HSD17B12: variants seen among roughly 807,000 people sequenced by gnomAD.
HSD17B12 encodes the protein hydroxysteroid 17-beta dehydrogenase 12.
HSD17B12 carries 32 observed loss-of-function variants against 39.3 expected under a neutral mutation model. The observed-to-expected ratio is 0.81, with a 90% confidence interval of 0.61 to 1.09. The LOEUF is 1.09. Among genes scored for constraint, HSD17B12 ranks in the 50% least tolerant of loss-of-function variants. HSD17B12 has a pLI of 0.00. For missense variants in HSD17B12, 342 were observed against 382.9 expected (o/e 0.89, Z 0.89); for synonymous variants, 150 against 146.7 (o/e 1.02, Z -0.16).
chr11:43,670,018 G>T, the HSD17B12 span, among the ~76,000 whole-genome samples: 1 of 152,214 alleles, frequency 6.6e-6, no homozygotes, highest in Admixed American at 6.5e-5. Flanking sequence ...AGGGAAGCTG[G>T]ATTAAGCTGA....
At chr11:43,733,681 T>TA in intron 1 of HSD17B12, 1 of 478,624 alleles carries the variant, frequency 2.1e-6, no homozygotes, top group Non-Finnish European at 3.9e-6. Flanking sequence ...TTAGTAACTT[T>TA]TAAAAAAAGG....
chr11:43,822,337 TA>T (rs555112596), intron 6 of HSD17B12, among the ~76,000 whole-genome samples: 2 of 152,222 alleles, frequency 1.3e-5, no homozygotes, highest in Admixed American at 6.5e-5. Context: ...TGAGATTTAA[TA>T]TTTTTTTATT....
the HSD17B12 span, among the ~76,000 whole-genome samples, chr11:43,643,603 T>TAA: frequency 6.6e-6 from 1 of 151,944 alleles, no homozygotes; most frequent in Non-Finnish European, 1.5e-5. Flanking sequence ...GGTTTTCCCC[T>TAA]AAAAAAAACT....
chr11:43,770,717 A>G (rs977360080), intron 3 of HSD17B12, among the ~76,000 whole-genome samples: 1 of 152,212 alleles, frequency 6.6e-6, no homozygotes, highest in African/African-American at 2.4e-5. Context: ...CCTGGGTAAC[A>G]GAGTGAGACC....
At chr11:43,791,773 G>A (rs1221641837) in intron 3 of HSD17B12, among the ~76,000 whole-genome samples, 2 of 152,104 alleles carry the variant, frequency 1.3e-5, no homozygotes, top group East Asian at 1.9e-4. Flanking sequence ...ACAGATTCAC[G>A]CAGCATAAGG....
At position 43,855,203 on chromosome 11, in the gene HSD17B12, C is replaced by T. The variant is rs746586780; in HGVS notation, c.894C>T (p.Asn298=). The T allele has an allele frequency of 6.2e-7, 1 of 1,611,268 alleles. No homozygotes were observed. The highest frequency in any genetic ancestry group is 2.2e-5 in the East Asian group (1 of 44,752). ...WIYLKIVMNM[N]KSTRAHYLKK... ...ATTTGAAAATAGTCATGAATATGAA[C>T]AAGTCTACACGGGCTCACTATCTGA... Residue 298 remains asparagine, a synonymous_variant, in exon 11 of 11, where the codon AAC becomes AAT. Transcript: ENST00000278353.
At chr11:43,677,768 G>T (rs562875116), upstream of HSD17B12, among the ~76,000 whole-genome samples, 3 of 152,282 alleles carry the variant, frequency 2.0e-5, no homozygotes, top group South Asian at 6.2e-4. Flanking sequence ...CAAAGGACAT[G>T]AACTCATCCT....
intron 3 of HSD17B12, among the ~76,000 whole-genome samples, chr11:43,754,332 G>A (rs1343740819): frequency 2.0e-5 from 3 of 152,136 alleles, no homozygotes; most frequent in African/African-American, 7.2e-5. Context: ...CAGCACTTTG[G>A]GAGGCTGAGG....
At position 43,742,139 on chromosome 11, in the gene HSD17B12, A is replaced by ATTTT. The variant is rs34321708; in HGVS notation, c.161-8764_161-8761dup. 5.7e-3 allele frequency among the ~76,000 whole-genome samples: 700 copies of ATTTT among 123,428 alleles called. 14 individuals carry two copies. The highest frequency in any genetic ancestry group is 0.028 in the East Asian group (116 of 4,194). 81.0% of individuals were successfully genotyped at this position (123,428 alleles called of 152,430 possible). On this transcript the variant is annotated intron_variant, in intron 1 of 10. Transcript: ENST00000278353. ...TATATATATATATATATATATATAT[A>ATTTT]TTTTTTTTTTTAAATTGAGACAGGA...
At chr11:43,708,739 A>T (rs186364690) in intron 1 of HSD17B12, among the ~76,000 whole-genome samples, 99 of 152,274 alleles carry the variant, frequency 6.5e-4, no homozygotes, top group African/African-American at 2.3e-3. Flanking sequence ...TTTCCACCTC[A>T]TCTTTTATTT....
chr11:43,734,025 A>C (rs1256652836), intron 1 of HSD17B12: 1 of 747,726 alleles, frequency 1.3e-6, no homozygotes, highest in Non-Finnish European at 2.4e-6. Context: ...TGTCAATATC[A>C]CACGGCGGAT....
Position 43,856,441 on chromosome 11 carries a change from T to C in HSD17B12, c.*1193T>C, listed in dbSNP as rs1451676063. On this transcript the variant is annotated 3_prime_UTR_variant, in exon 11 of 11. Transcript: ENST00000278353. ...AAATGGGGCCTTAGCTTCTGGCTTT[T>C]AATTTTGCCAGCTAAGGACATAAAA... is the stretch of plus-strand genomic sequence containing the variant. 1 of 152,236 alleles carries C rather than the reference T, an allele frequency of 6.6e-6. No homozygotes were observed. The highest frequency in any genetic ancestry group is 1.5e-5 in the Non-Finnish European group (1 of 68,042). The allele number at this position is 152,236 out of a possible 1,614,324, so 9.4% of individuals were successfully genotyped here. A position where few individuals can be genotyped will look rare whatever the true frequency, so the allele number is the denominator to read the frequency against.
chr11:43,730,648 G>A (rs1933678669), intron 1 of HSD17B12, among the ~76,000 whole-genome samples: 1 of 152,194 alleles, frequency 6.6e-6, no homozygotes, highest in Admixed American at 6.5e-5. Context: ...TGGTGAGGCT[G>A]TTTTGAAGTT....
At chr11:43,587,358 C>T in the HSD17B12 span, among the ~76,000 whole-genome samples, 2 of 151,838 alleles carry the variant, frequency 1.3e-5, no homozygotes, top group African/African-American at 2.4e-5. Context: ...TCAGGGAGCT[C>T]AGGACATCCC....
the HSD17B12 span, among the ~76,000 whole-genome samples, chr11:43,654,921 G>GT: frequency 2.6e-5 from 4 of 152,106 alleles, no homozygotes; most frequent in Admixed American, 2.0e-4. Flanking sequence ...TTTTAAAGTA[G>GT]TTTTTTCCAA....
chr11:43,620,020 T>C, the HSD17B12 span, among the ~76,000 whole-genome samples: 1 of 152,222 alleles, frequency 6.6e-6, no homozygotes, highest in Non-Finnish European at 1.5e-5. Flanking sequence ...TTGATCAGTA[T>C]AAAGGTAGTT....
the HSD17B12 span, among the ~76,000 whole-genome samples, chr11:43,613,043 C>T: frequency 6.6e-6 from 1 of 152,122 alleles, no homozygotes; most frequent in South Asian, 2.1e-4. Context: ...CCCCTATTAG[C>T]CCCAGTCAAG....
Position 43,855,438 on chromosome 11 carries a change from C to G in HSD17B12, c.*190C>G, listed in dbSNP as rs996573120. ...TCTGACATATATTCTGGATACTATC[C>G]GAGGTAATTTTGAAGTTTAATATAA... is the stretch of plus-strand genomic sequence containing the variant. On this transcript the variant is annotated 3_prime_UTR_variant, in exon 11 of 11. Transcript: ENST00000278353. 1 of 358,362 alleles carries G rather than the reference C, an allele frequency of 2.8e-6. No individual in the cohort carries two copies. Among genetic ancestry groups the G allele is most frequent in the Non-Finnish European group, 5.0e-6 (1 of 200,390 alleles). 22.2% of individuals were successfully genotyped at this position (358,362 alleles called of 1,614,324 possible). A position where few individuals can be genotyped will look rare whatever the true frequency, so the allele number is the denominator to read the frequency against.
At chr11:43,562,939 G>T in the HSD17B12 span, among the ~76,000 whole-genome samples, 25 of 152,276 alleles carry the variant, frequency 1.6e-4, no homozygotes, top group Admixed American at 3.3e-4. Flanking sequence ...AAGATCATCT[G>T]CATTTGACTC....
Sources: gnomAD v4.1 joint callset for allele counts (sites outside exome capture counted in the v4.1 genomes callset) on GRCh38, gnomAD v4.1.1 for gene constraint, MANE v1.5 for transcripts, NCBI Gene and HGNC (gene_info 2026-07-23, HGNC 2026-07-21) for gene names.